MED27: variants seen among roughly 807,000 people sequenced by gnomAD.
MED27 encodes the protein mediator complex subunit 27, also known as mediator of RNA polymerase II transcription subunit 27.
In MED27, 30 loss-of-function variants were observed where a neutral mutation model predicts 38.2. The observed-to-expected ratio is 0.79, with a 90% confidence interval of 0.59 to 1.07. MED27 has a LOEUF of 1.07. Ranked by LOEUF, MED27 falls within the 50% of genes least tolerant of loss-of-function variation. MED27 has a pLI of 0.00. For synonymous variants in MED27, 122 were observed against 153.5 expected (o/e 0.79, Z 1.52); for missense variants, 289 against 397.5 (o/e 0.73, Z 2.32).
At chr9:132,001,999 C>CT (rs920242970) in intron 3 of MED27, among the ~76,000 whole-genome samples, 1 of 152,214 alleles carries the variant, frequency 6.6e-6, no homozygotes, top group African/African-American at 2.4e-5. Context: ...CAAAGTCCCC[C>CT]TTACCTGCAG....
intron 4 of MED27, among the ~76,000 whole-genome samples, chr9:131,923,754 C>T (rs1830436380): frequency 6.6e-6 from 1 of 152,210 alleles, no homozygotes; most frequent in South Asian, 2.1e-4. Flanking sequence ...CATCTACCCA[C>T]CCATAACCAA....
chr9:131,898,352 A>G (rs1829869408), intron 4 of MED27, among the ~76,000 whole-genome samples: 1 of 151,888 alleles, frequency 6.6e-6, no homozygotes, highest in Admixed American at 6.6e-5. Context: ...CTCCTGCCTC[A>G]GCCTCCTGTC....
intron 5 of MED27, among the ~76,000 whole-genome samples, chr9:131,886,367 A>T (rs1839141216): frequency 1.3e-5 from 2 of 152,200 alleles, no homozygotes. Flanking sequence ...CAAATCATGG[A>T]GGAGCTTTCA....
At chr9:131,952,516 T>TCACCCTCTCCAGACC (rs1171485457) in intron 3 of MED27, among the ~76,000 whole-genome samples, 1 of 152,166 alleles carries the variant, frequency 6.6e-6, no homozygotes, top group South Asian at 2.1e-4. Flanking sequence ...ACCAGAGCCT[T>TCACCCTCTCCAGACC]CACCCTCTCC....
intron 2 of MED27, among the ~76,000 whole-genome samples, chr9:132,034,201 G>C (rs1162952157): frequency 2.6e-5 from 4 of 152,112 alleles, no homozygotes; most frequent in African/African-American, 9.7e-5. Flanking sequence ...TTCCCCAAAG[G>C]CATAACATAT....
At chr9:132,060,558 G>A (rs1420994360) in intron 2 of MED27, among the ~76,000 whole-genome samples, 1 of 152,162 alleles carries the variant, frequency 6.6e-6, no homozygotes, top group East Asian at 1.9e-4. Flanking sequence ...TCCTTCAAGG[G>A]CCGCCCTTTC....
Position 131,861,767 on chromosome 9 carries a change from CTTTTTTTTTTT to C in MED27, c.802-1106_802-1096del, listed in dbSNP as rs66880335. Reference sequence around the variant, plus strand: ...AGTGCTGTGACAGATGTAAATGGTTCTTTTTTTTTTTTTTTTTTTTTATGAGACCACATCTC... The same window carrying C: ...AGTGCTGTGACAGATGTAAATGGTTCTTTTTTTTTTATGAGACCACATCTC... On this transcript the variant is annotated intron_variant, in intron 7 of 7. Transcript: ENST00000292035. The surrounding 1 kb of genome is among the most constrained non-coding windows in gnomAD (Gnocchi z 4.4). Among the ~76,000 whole-genome samples, 5 of 145,168 alleles carry C rather than the reference CTTTTTTTTTTT, an allele frequency of 3.4e-5. No homozygotes were observed. Among genetic ancestry groups the C allele is most frequent in the Admixed American group, 1.4e-4 (2 of 14,518 alleles).
rs533235119 is a variant in MED27 at position 131,943,905 on chromosome 9, G to A, written c.480-4431C>T. On this transcript the variant is annotated intron_variant, in intron 3 of 7. Transcript: ENST00000292035. ...TCTAGAAATTACAGATTCAAATCAA[G>A]GTATGATCCATAACTTCAGTATGTT... Among the ~76,000 whole-genome samples, 13 of 152,268 alleles carry A rather than the reference G, an allele frequency of 8.5e-5. No homozygotes were observed. In the South Asian group the frequency reaches 1.9e-3, roughly 22 times the overall value.
At chr9:131,882,731 T>G (rs1331116903) in intron 6 of MED27, among the ~76,000 whole-genome samples, 1 of 152,172 alleles carries the variant, frequency 6.6e-6, no homozygotes, top group African/African-American at 2.4e-5. Context: ...TGCCTCAGTT[T>G]CCCCTACAAA....
intron 3 of MED27, among the ~76,000 whole-genome samples, chr9:131,945,769 G>A (rs1830874581): frequency 6.7e-6 from 1 of 149,292 alleles, no homozygotes; most frequent in Non-Finnish European, 1.5e-5. Context: ...AGATCAGCCT[G>A]GGCAACATGG....
At position 131,866,471 on chromosome 9, in the gene MED27, C is replaced by T. The variant is rs553354320; in HGVS notation, c.724-3331G>A. ...CCTGTCGCCTCTCTTCCCCCTGCCT[C>T]ATACCCAAGCAGCCTCGTGGTTCCA... is the stretch of plus-strand genomic sequence containing the variant. On this transcript the variant is annotated intron_variant, in intron 6 of 7. Coordinates refer to ENST00000292035, the MANE Select transcript of MED27 (RefSeq NM_004269.4). Among the ~76,000 whole-genome samples, 3 of 104,120 alleles carry T rather than the reference C, an allele frequency of 2.9e-5. No homozygotes were observed. The South Asian group carries it at 9.5e-4, about 33-fold the overall frequency. 68.3% of individuals were successfully genotyped at this position (104,120 alleles called of 152,430 possible). A position where few individuals can be genotyped will look rare whatever the true frequency, so the allele number is the denominator to read the frequency against.
At chr9:132,033,831 C>A (rs1833014808) in intron 2 of MED27, among the ~76,000 whole-genome samples, 2 of 152,188 alleles carry the variant, frequency 1.3e-5, no homozygotes, top group Admixed American at 1.3e-4. Context: ...ACACAAGAAT[C>A]CAAGGACATT....
intron 2 of MED27, among the ~76,000 whole-genome samples, chr9:132,036,059 C>T (rs992138423): frequency 1.3e-5 from 2 of 152,010 alleles, no homozygotes; most frequent in African/African-American, 2.4e-5. Context: ...TTGTTTAAAG[C>T]AGAGAAACAG....
chr9:131,977,900 T>C (rs1450626110), intron 3 of MED27, among the ~76,000 whole-genome samples: 3 of 152,188 alleles, frequency 2.0e-5, no homozygotes, highest in Admixed American at 6.5e-5. Context: ...GGGAAGTTTG[T>C]CTTTGTAGAC....
chr9:131,940,701 C>T (rs1226449753), intron 3 of MED27, among the ~76,000 whole-genome samples: 1 of 152,234 alleles, frequency 6.6e-6, no homozygotes, highest in Non-Finnish European at 1.5e-5. Context: ...CAGGCGTGAG[C>T]CACTGCACCC....
intron 3 of MED27, among the ~76,000 whole-genome samples, chr9:131,979,736 T>G (rs556546468): frequency 5.8e-4 from 88 of 152,340 alleles, no homozygotes; most frequent in Non-Finnish European, 2.5e-4. Context: ...ATCTGCTCAG[T>G]GGCAAAGCCA....
chr9:131,965,603 T>C (rs1435067696), intron 3 of MED27, among the ~76,000 whole-genome samples: 3 of 152,180 alleles, frequency 2.0e-5, no homozygotes, highest in African/African-American at 7.2e-5. Context: ...GGTCCTTCTC[T>C]GTCACTTATG....
intron 3 of MED27, among the ~76,000 whole-genome samples, chr9:131,952,918 C>G (rs902315495): frequency 6.6e-6 from 1 of 152,212 alleles, no homozygotes; most frequent in Non-Finnish European, 1.5e-5. Context: ...ATCTGGAAAT[C>G]GTTCCCTTAG....
intron 4 of MED27, among the ~76,000 whole-genome samples, chr9:131,906,384 G>A (rs1830062732): frequency 6.6e-6 from 1 of 152,254 alleles, no homozygotes; most frequent in African/African-American, 2.4e-5. Flanking sequence ...CATGCCCAGT[G>A]CCGGAGCAGA....
Sources: gnomAD v4.1 joint callset for allele counts (sites outside exome capture counted in the v4.1 genomes callset) on GRCh38, gnomAD v4.1.1 for gene constraint, Gnocchi (gnomAD v3.1) non-coding constraint, MANE v1.5 for transcripts, NCBI Gene and HGNC (gene_info 2026-07-23, HGNC 2026-07-21) for gene names.